CDH10: variants seen among roughly 807,000 people sequenced by gnomAD.
CDH10 encodes the protein cadherin 10, also known as cadherin-10.
Under a neutral mutation model 73.1 loss-of-function variants are expected in CDH10, and 30 were observed. The observed-to-expected ratio is 0.41, with a 90% CI of 0.31 to 0.56. The LOEUF (loss-of-function observed/expected upper bound fraction) is 0.56, where lower values mean the gene tolerates loss of function less well. Among genes scored for constraint, CDH10 ranks in the 20% least tolerant of loss-of-function variants. CDH10 has a pLI of 0.27. For synonymous variants in CDH10, 345 were observed against 348.2 expected (o/e 0.99, Z 0.10); for missense variants, 815 against 973.7 (o/e 0.84, Z 2.17).
intron 1 of CDH10, among the ~76,000 whole-genome samples, chr5:24,640,901 AAG>A (rs1427380558): frequency 2.0e-5 from 3 of 152,114 alleles, no homozygotes; most frequent in Admixed American, 6.6e-5. Context: ...TAAAAAAATC[AAG>A]AGTTACTTTT....
chr5:24,543,869 A>T (rs1015513818), intron 2 of CDH10, among the ~76,000 whole-genome samples: 1 of 152,174 alleles, frequency 6.6e-6, no homozygotes, highest in African/African-American at 2.4e-5. Flanking sequence ...TAAATGGAGT[A>T]TGGGAAGATT....
intron 2 of CDH10, among the ~76,000 whole-genome samples, chr5:24,582,677 G>C (rs1032971188): frequency 6.6e-6 from 1 of 151,912 alleles, no homozygotes; most frequent in African/African-American, 2.4e-5. Flanking sequence ...ACAGACTGTG[G>C]ATCAAAAAAA....
At chr5:24,557,375 T>C (rs1266228507) in intron 2 of CDH10, among the ~76,000 whole-genome samples, 1 of 151,776 alleles carries the variant, frequency 6.6e-6, no homozygotes, top group African/African-American at 2.4e-5. Context: ...TACAGAATCA[T>C]TATTATTTCC....
chr5:24,569,906 G>A (rs1233866602), intron 2 of CDH10, among the ~76,000 whole-genome samples: 1 of 152,056 alleles, frequency 6.6e-6, no homozygotes, highest in Non-Finnish European at 1.5e-5. Flanking sequence ...TGGGACGACA[G>A]GCGCGTGCCA....
chr5:24,498,308 C>T, intron 9 of CDH10, 90 bp downstream of exon 9: 1 of 764,570 alleles, frequency 1.3e-6, no homozygotes, highest in South Asian at 1.9e-5. Context: ...ATTTCCATCT[C>T]TGTGTATTCT....
chr5:24,616,691 C>T (rs1265709112), intron 1 of CDH10, among the ~76,000 whole-genome samples: 1 of 152,098 alleles, frequency 6.6e-6, no homozygotes, highest in African/African-American at 2.4e-5. Flanking sequence ...TTCTCAGGCA[C>T]TCAGATGCTT....
At chr5:24,614,850 C>T (rs1407706201) in intron 1 of CDH10, among the ~76,000 whole-genome samples, 1 of 152,086 alleles carries the variant, frequency 6.6e-6, no homozygotes, top group East Asian at 1.9e-4. Flanking sequence ...TGTGAAAATC[C>T]AAGGCGGCAG....
intron 6 of CDH10, 50 bp downstream of exon 6, chr5:24,511,277 A>G (rs1346766133): frequency 8.9e-7 from 1 of 1,123,180 alleles, no homozygotes; most frequent in African/African-American, 1.5e-5. Context: ...ATATAATGCA[A>G]TCCCTACTCC....
At chr5:24,553,706 G>T (rs1016428832) in intron 2 of CDH10, among the ~76,000 whole-genome samples, 2 of 152,050 alleles carry the variant, frequency 1.3e-5, no homozygotes, top group African/African-American at 4.8e-5. Flanking sequence ...TCAGTAACTT[G>T]CCATTCCATA....
rs548877265 is a variant in CDH10 at position 24,523,481 on chromosome 5, C to T, written c.814+11631G>A. Reference sequence around the variant, plus strand: ...AAAAATTACCATATCAATGTTCTCTCCCGAAAGAGACAAAACAAAAGAAAA... The same window carrying T: ...AAAAATTACCATATCAATGTTCTCTTCCGAAAGAGACAAAACAAAAGAAAA... On this transcript the variant is annotated intron_variant, in intron 5 of 11. Coordinates refer to ENST00000264463, the MANE Select transcript of CDH10 (RefSeq NM_006727.5). Among the ~76,000 whole-genome samples, 9 of 152,156 alleles carry T rather than the reference C, an allele frequency of 5.9e-5. No homozygotes were observed. In the South Asian group the frequency reaches 1.9e-3, roughly 32 times the overall value.
intron 5 of CDH10, among the ~76,000 whole-genome samples, chr5:24,522,200 T>TA (rs34132100): frequency 4.0e-5 from 6 of 151,356 alleles, no homozygotes; most frequent in East Asian, 2.0e-4. Context: ...TTGTGAGTGT[T>TA]AAAAAAAAAG....
At chr5:24,497,484 T>C (rs766608584) in intron 9 of CDH10, among the ~76,000 whole-genome samples, 13 of 152,108 alleles carry the variant, frequency 8.5e-5, no homozygotes, top group African/African-American at 1.2e-4. Context: ...ATGAATCAAA[T>C]TGCAGCAATT....
intron 7 of CDH10, among the ~76,000 whole-genome samples, chr5:24,505,656 G>T (rs1026277354): frequency 5.9e-5 from 9 of 152,270 alleles, no homozygotes; most frequent in Admixed American, 3.3e-4. Context: ...GCTATGTGTT[G>T]TTCTTAGAAA....
At chr5:24,569,203 C>T (rs536965881) in intron 2 of CDH10, among the ~76,000 whole-genome samples, 1 of 151,914 alleles carries the variant, frequency 6.6e-6, no homozygotes, top group African/African-American at 2.4e-5. Flanking sequence ...TTAGAATAAG[C>T]AAATTTATAG....
rs1028553612 is a variant in CDH10, at chr5:24,508,738, C to T, written c.1256+828G>A. On this transcript the variant is annotated intron_variant, in intron 7 of 11. Coordinates refer to ENST00000264463, the MANE Select transcript of CDH10 (RefSeq NM_006727.5). ...CTCAGTATGTTCCCCAGGCTGGTTT[C>T]GAACCCCTGAGCTTAAGCAATATGT... Among the ~76,000 whole-genome samples the T allele has an allele frequency of 2.6e-5, 4 of 151,028 alleles. No individual in the cohort carries two copies. The East Asian group carries it at 5.8e-4, about 22-fold the overall frequency.
At chr5:24,574,454 G>T (rs929198374) in intron 2 of CDH10, among the ~76,000 whole-genome samples, 8 of 152,088 alleles carry the variant, frequency 5.3e-5, no homozygotes, top group Admixed American at 3.9e-4. Flanking sequence ...AGATGAAAGT[G>T]TAGCAAACCA....
At chr5:24,636,459 T>C (rs1399374353) in intron 1 of CDH10, among the ~76,000 whole-genome samples, 1 of 151,940 alleles carries the variant, frequency 6.6e-6, no homozygotes, top group Non-Finnish European at 1.5e-5. Context: ...ATGACCTTCC[T>C]CTGGTGTCCT....
intron 9 of CDH10, among the ~76,000 whole-genome samples, chr5:24,494,667 A>G (rs1742199946): frequency 6.6e-6 from 1 of 152,082 alleles, no homozygotes. Context: ...AGTTCAGAAA[A>G]CAAATAGTGA....
chr5:24,566,283 AG>A (rs1745162234), intron 2 of CDH10, among the ~76,000 whole-genome samples: 1 of 152,138 alleles, frequency 6.6e-6, no homozygotes, highest in Admixed American at 6.6e-5. Context: ...CCTGACCTCA[AG>A]TGATCCACCT....
Sources: gnomAD v4.1 joint callset for allele counts (sites outside exome capture counted in the v4.1 genomes callset) on GRCh38, gnomAD v4.1.1 for gene constraint, MANE v1.5 for transcripts, NCBI Gene and HGNC (gene_info 2026-07-23, HGNC 2026-07-21) for gene names.